The following KNL1 variants were observed in gnomAD, a reference collection of about 807,000 sequenced individuals.
KNL1 encodes the protein outer kinetochore KNL1 complex subunit KNL1.
A neutral mutation model predicts 201.3 loss-of-function variants in KNL1; 66 were observed. The ratio of observed to expected loss-of-function variants is 0.33; its 90% CI spans 0.27 to 0.40. The LOEUF (loss-of-function observed/expected upper bound fraction) is 0.40, where lower values mean the gene tolerates loss of function less well. Ranked by LOEUF, KNL1 falls within the 10% of genes least tolerant of loss-of-function variation. KNL1 has a pLI of 1.00. For synonymous variants in KNL1, 895 were observed against 899.2 expected (o/e 1.00, Z 0.08); for missense variants, 2,815 against 2,690.5 (o/e 1.05, Z -1.02).
At chr15:40,645,628 C>A in intron 15 of KNL1, 28 bp from the exon 16 acceptor site, 1 of 1,282,636 alleles carries the variant, frequency 7.8e-7, no homozygotes, top group Non-Finnish European at 1.1e-6. Context: ...TGTTTTAGTA[C>A]AGTGTTCTCT....
intron 2 of KNL1, 31 bp downstream of exon 2, chr15:40,602,997 A>G: frequency 7.2e-7 from 1 of 1,397,206 alleles, no homozygotes; most frequent in Non-Finnish European, 1.0e-6. Flanking sequence ...TAAAAATATT[A>G]TATTCTATCA....
At position 40,621,756 on chromosome 15, in the gene KNL1, A is replaced by G; in HGVS notation, c.1492A>G (p.Ile498Val). 1 of 1,613,952 alleles carries G rather than the reference A, an allele frequency of 6.2e-7. No individual in the cohort carries two copies. Among genetic ancestry groups the G allele is most frequent in the Non-Finnish European group, 8.5e-7 (1 of 1,179,862 alleles). ...KSHTVAIDNQ[I>V]FKQDQSNVQI... is the part of the protein sequence containing the mutation. ...TCATACAGTTGCAATAGATAATCAA[A>G]TTTTTAAACAAGATCAATCAAATGT... is the stretch of plus-strand genomic sequence containing the variant. Residue 498 changes from isoleucine to valine, a missense_variant, in exon 10 of 26, where the codon ATT becomes GTT. Transcript: ENST00000399668.
intron 13 of KNL1, among the ~76,000 whole-genome samples, chr15:40,635,347 C>G (rs913256545): frequency 5.9e-5 from 9 of 151,414 alleles, no homozygotes; most frequent in Non-Finnish European, 1.2e-4. Flanking sequence ...CCACCATGCC[C>G]GGCCTGTTTC....
intron 10 of KNL1, among the ~76,000 whole-genome samples, chr15:40,626,745 A>G (rs974703066): frequency 6.8e-6 from 1 of 147,990 alleles, no homozygotes; most frequent in African/African-American, 2.5e-5. Context: ...ATGCCCAGCT[A>G]ATTTTTGTAT....
In KNL1 at chr15:40,622,409, T is replaced by C; in HGVS notation, c.2145T>C (p.Thr715=). 6.2e-7 allele frequency: 1 copy of C among 1,613,702 alleles called. No individual in the cohort carries two copies. Residue 715 remains threonine (T), a synonymous_variant, in exon 10 of 26, where the codon ACT becomes ACC. Coordinates refer to ENST00000399668, the MANE Select transcript of KNL1 (RefSeq NM_144508.5). ...SGQFSMKNHD[T]AISSHTVKSV... ...AGTTCTCTATGAAAAATCATGATAC[T>C]GCTATAAGTAGTCATACAGTGAAAT...
intron 13 of KNL1, among the ~76,000 whole-genome samples, chr15:40,635,898 G>A (rs1021101255): frequency 3.3e-5 from 5 of 151,870 alleles, no homozygotes; most frequent in South Asian, 4.2e-4. Context: ...ACGGAGTCTC[G>A]CTCTGTCACC....
chr15:40,624,959 T>C lies in KNL1; in HGVS notation c.4695T>C (p.Asn1565=), dbSNP rs777839338. The C allele has an allele frequency of 6.2e-6, 10 of 1,613,882 alleles. No individual in the cohort carries two copies. The highest frequency in any genetic ancestry group is 3.3e-4 in the Middle Eastern group (2 of 6,060). ...TCAAACCAAATCTGAATAATTTGAA[T>C]GGAAAAACTGGAGAGTTTTTAGCCT... ...HSIKPNLNNL[N]GKTGEFLAFQ... Residue 1565 remains asparagine (N), a synonymous_variant, in exon 10 of 26, where the codon AAT becomes AAC. Coordinates refer to ENST00000399668, the MANE Select transcript of KNL1 (RefSeq NM_144508.5).
chr15:40,641,697 G>C (rs1893233160), intron 14 of KNL1, among the ~76,000 whole-genome samples: 2 of 152,160 alleles, frequency 1.3e-5, no homozygotes, highest in South Asian at 4.1e-4. Flanking sequence ...TCACCCGCAA[G>C]GTATCTCTTA....
chr15:40,625,081 A>C lies in KNL1; in HGVS notation c.4817A>C (p.His1606Pro), dbSNP rs886051140. Residue 1606 changes from histidine (H) to proline (P), a missense_variant, in exon 10 of 26, where the codon CAT becomes CCT. This residue lies in a region of KNL1 where 2,464 missense variants were observed against 2,291.7 expected (regional missense o/e 1.08). Transcript: ENST00000399668. ...DMHIVQATEIHNINIISSNAK... is the reference protein window; with the variant it reads ...DMHIVQATEIPNINIISSNAK... ...CATATAGTGCAAGCTACAGAAATACATAATATTAACATAATCTCCAGCAAT... is the reference window on the plus strand; with the variant it reads ...CATATAGTGCAAGCTACAGAAATACCTAATATTAACATAATCTCCAGCAAT... The C allele has an allele frequency of 5.0e-6, 8 of 1,613,778 alleles. No homozygotes were observed. The highest frequency in any genetic ancestry group is 6.8e-6 in the Non-Finnish European group (8 of 1,179,846).
At position 40,662,337 on chromosome 15, in the gene KNL1, T is replaced by A. The variant is rs1893935259; in HGVS notation, c.*149T>A. ...ATAGTTAATCTGTATGTTTTTTATA[T>A]CTCTGCAGAATGATGGTGATGAAGT... On this transcript the variant is annotated 3_prime_UTR_variant, in exon 26 of 26. Transcript: ENST00000399668. 2 of 586,740 alleles carry A rather than the reference T, an allele frequency of 3.4e-6. No individual in the cohort carries two copies. Among genetic ancestry groups the A allele is most frequent in the East Asian group, 5.8e-5 (2 of 34,312 alleles). The allele number at this position is 586,740 out of a possible 1,614,324, so 36.3% of individuals were successfully genotyped here.
chr15:40,607,834 G>A (rs1332874823), intron 4 of KNL1, among the ~76,000 whole-genome samples: 1 of 152,020 alleles, frequency 6.6e-6, no homozygotes, highest in South Asian at 2.1e-4. Flanking sequence ...TGGAACACTT[G>A]TGCTTTCTTG....
chr15:40,638,471 A>G, intron 13 of KNL1, among the ~76,000 whole-genome samples: 1 of 151,682 alleles, frequency 6.6e-6, no homozygotes, highest in East Asian at 1.9e-4. Context: ...CACTGTGCCC[A>G]GGTCTGCCAT....
intron 6 of KNL1, among the ~76,000 whole-genome samples, chr15:40,610,525 C>T (rs1197181202): frequency 2.0e-5 from 3 of 152,110 alleles, no homozygotes; most frequent in African/African-American, 7.2e-5. Context: ...TAGTGAGATT[C>T]TGTCTCTACA....
Position 40,622,208 on chromosome 15 carries a change from T to A in KNL1, c.1944T>A (p.Ile648=), listed in dbSNP as rs755681274. 1.2e-6 allele frequency: 2 copies of A among 1,614,088 alleles called. No individual in the cohort carries two copies. Among genetic ancestry groups the A allele is most frequent in the South Asian group, 2.2e-5 (2 of 91,078 alleles). The change falls in exon 10 of 26, where the codon ATT becomes ATA. Residue 648 remains isoleucine (I), a synonymous_variant. Coordinates refer to ENST00000399668, the MANE Select transcript of KNL1 (RefSeq NM_144508.5). ...AAGACAAAGATTGGGTTTTGAAGAT[T>A]TTGCCCTACCTTGATAAAGATTCTC... ...WNKDKDWVLK[I]LPYLDKDSPQ...
chr15:40,612,402 GA>G, intron 7 of KNL1, among the ~76,000 whole-genome samples: 1 of 152,024 alleles, frequency 6.6e-6, no homozygotes, highest in African/African-American at 2.4e-5. Context: ...CAAGGCACGA[GA>G]ATCGCTTGAA....
intron 14 of KNL1, among the ~76,000 whole-genome samples, chr15:40,642,662 C>T (rs949742370): frequency 6.6e-6 from 1 of 152,142 alleles, no homozygotes; most frequent in Non-Finnish European, 1.5e-5. Flanking sequence ...GAGTCTCGCT[C>T]TGTTGCCCAG....
At chr15:40,606,316 T>G in intron 3 of KNL1, 77 bp from the exon 4 acceptor site, 1 of 862,556 alleles carries the variant, frequency 1.2e-6, no homozygotes, top group Admixed American at 2.0e-5. Flanking sequence ...GCTTTCTACC[T>G]ATGATATAAC....
chr15:40,655,051 A>C (rs928041930), intron 22 of KNL1, 74 bp downstream of exon 22: 1 of 1,171,624 alleles, frequency 8.5e-7, no homozygotes, highest in Non-Finnish European at 1.3e-6. Flanking sequence ...TAATCCCAGC[A>C]CTTTGGGAGG....
intron 17 of KNL1, among the ~76,000 whole-genome samples, chr15:40,648,306 C>G (rs901958422): frequency 1.2e-4 from 18 of 152,172 alleles, no homozygotes; most frequent in African/African-American, 4.1e-4. Context: ...ATGGCACATA[C>G]CTGTAGTCCT....
Sources: allele counts gnomAD v4.1 joint callset (sites outside exome capture counted in the v4.1 genomes callset), GRCh38; gene constraint gnomAD v4.1.1; regional missense constraint gnomAD v4.1.1; transcripts MANE v1.5; gene names NCBI Gene and HGNC (gene_info 2026-07-23, HGNC 2026-07-21).